Variants in FAM227A observed in about 807,000 individuals in gnomAD.
FAM227A encodes the protein family with sequence similarity 227 member A.
A neutral mutation model predicts 74.7 loss-of-function variants in FAM227A; 80 were observed. The observed-to-expected ratio is 1.07, with a 90% confidence interval of 0.89 to 1.29. The LOEUF (loss-of-function observed/expected upper bound fraction) is 1.29, where lower values mean the gene tolerates loss of function less well. Among genes scored for constraint, FAM227A ranks in the 50% most tolerant of loss-of-function variants. The pLI is 0.00. For synonymous variants in FAM227A, 237 were observed against 241.8 expected (o/e 0.98, Z 0.19); for missense variants, 654 against 683.4 (o/e 0.96, Z 0.48).
chr22:38,612,230 T>C (rs966670490), intron 11 of FAM227A, among the ~76,000 whole-genome samples: 32 of 152,198 alleles, frequency 2.1e-4, no homozygotes, highest in African/African-American at 7.5e-4. Context: ...TCATCCCTAA[T>C]GTAATGAATT....
At chr22:38,655,269 C>A (rs563501241) in intron 1 of FAM227A, among the ~76,000 whole-genome samples, 37 of 152,012 alleles carry the variant, frequency 2.4e-4, no homozygotes, top group Middle Eastern at 3.4e-3. Flanking sequence ...GTGGCCCGCA[C>A]CTGTAATACC....
rs771401192 is a variant in FAM227A, at chr22:38,584,846, G to C, written c.*1279C>G. On this transcript the variant is annotated 3_prime_UTR_variant, in exon 17 of 17. Coordinates refer to ENST00000535113, the MANE Select transcript of FAM227A (RefSeq NM_001013647.2). ...AGTTTCGCTCTTGTTGCCCAGGCTG[G>C]AGTGCAATAGCATGGTCTTGGCTCA... is the stretch of plus-strand genomic sequence containing the variant. 6.6e-5 allele frequency: 10 copies of C among 152,036 alleles called. No individual in the cohort carries two copies. The highest frequency in any genetic ancestry group is 1.2e-4 in the Non-Finnish European group (8 of 68,014). 9.4% of individuals were successfully genotyped at this position (152,036 alleles called of 1,614,324 possible).
intron 13 of FAM227A, among the ~76,000 whole-genome samples, chr22:38,601,195 G>C (rs2091169064): frequency 6.6e-6 from 1 of 152,102 alleles, no homozygotes; most frequent in South Asian, 2.1e-4. Context: ...ATGATATGAT[G>C]AATACTAATA....
rs1296934793 is a variant in FAM227A, at chr22:38,584,126, C to G, written c.*1999G>C. On this transcript the variant is annotated 3_prime_UTR_variant, in exon 17 of 17. Transcript: ENST00000535113. ...ATCTGCCTTGGTTTTTCTCAGATTC[C>G]ACGCAGCTTTCTATCGGAGCATTAA... The G allele has an allele frequency of 1.3e-5, 2 of 152,268 alleles. No homozygotes were observed. The highest frequency in any genetic ancestry group is 2.9e-5 in the Non-Finnish European group (2 of 68,078). 9.4% of individuals were successfully genotyped at this position (152,268 alleles called of 1,614,324 possible).
At chr22:38,598,957 C>CT (rs71197121) in intron 14 of FAM227A, among the ~76,000 whole-genome samples, 24,897 of 136,226 alleles carry the variant, frequency 0.18, 2,274 homozygotes, top group Middle Eastern at 0.23. Context: ...TGTTTTCTTT[C>CT]TTTTTTTTTT....
At chr22:38,642,210 A>G (rs1384225624) in intron 3 of FAM227A, among the ~76,000 whole-genome samples, 1 of 152,164 alleles carries the variant, frequency 6.6e-6, no homozygotes, top group African/African-American at 2.4e-5. Context: ...CTGAAAACTG[A>G]ACAGACAGGT....
chr22:38,655,908 G>A (rs1163692731), intron 1 of FAM227A, among the ~76,000 whole-genome samples: 2 of 152,194 alleles, frequency 1.3e-5, no homozygotes, highest in Non-Finnish European at 2.9e-5. Flanking sequence ...CTAAGTTTCT[G>A]CACTTATCAG....
In FAM227A at chr22:38,591,498, C is replaced by G. The variant is rs768354571; in HGVS notation, c.1575G>C (p.Lys525Asn). 6.5e-7 allele frequency: 1 copy of G among 1,548,730 alleles called. No individual in the cohort carries two copies. The highest frequency in any genetic ancestry group is 1.2e-5 in the South Asian group (1 of 83,314). Residue 525 changes from lysine to asparagine, a missense_variant, in exon 16 of 17, where the codon AAG (lysine) becomes AAC (asparagine). Physicochemically the swap from Lys to Asn is moderately conservative, Grantham distance 94 (BLOSUM62 0). Coordinates refer to ENST00000535113, the MANE Select transcript of FAM227A (RefSeq NM_001013647.2). ...AAGGTGGGATGAACATGTGGTTTGCCTTTTTTGTATCTGCTGCTTTTGGAT... is the reference window on the plus strand; with the variant it reads ...AAGGTGGGATGAACATGTGGTTTGCGTTTTTTGTATCTGCTGCTTTTGGAT... ...NIDPKAADTK[K>N]ANHMFIPPSA...
chr22:38,589,230 C>T lies in FAM227A; in HGVS notation c.1638+2205G>A, dbSNP rs900839737. The stretch of plus-strand genomic sequence containing the variant: ...AGGACAGCCACGGACTGCTGGCAAC[C>T]GCACGAAGCTAGGGAGAGGCAAAGG... On this transcript the variant is annotated intron_variant, in intron 16 of 16. Transcript: ENST00000535113. Among the ~76,000 whole-genome samples the T allele has an allele frequency of 2.0e-4, 30 of 152,108 alleles. 1 individual carries two copies. Among genetic ancestry groups the T allele is most frequent in the South Asian group, 2.1e-4 (1 of 4,824 alleles).
intron 6 of FAM227A, among the ~76,000 whole-genome samples, chr22:38,629,911 C>A (rs1470950917): frequency 1.5e-5 from 2 of 134,028 alleles, no homozygotes; most frequent in East Asian, 4.5e-4. Context: ...CATCAGGAAG[C>A]GTGCCTCTTC....
chr22:38,597,139 A>G, intron 15 of FAM227A, 65 bp downstream of exon 15: 1 of 1,477,560 alleles, frequency 6.8e-7, no homozygotes, highest in Non-Finnish European at 9.2e-7. Context: ...TTTAAAAATG[A>G]TGATGATCGT....
chr22:38,615,266 G>T (rs118104069), intron 11 of FAM227A, among the ~76,000 whole-genome samples: 55 of 152,258 alleles, frequency 3.6e-4, no homozygotes, highest in Non-Finnish European at 6.6e-4. Flanking sequence ...CAAGTGATTC[G>T]CCTGCCTGGG....
At chr22:38,620,527 G>A (rs576736258) in intron 10 of FAM227A, among the ~76,000 whole-genome samples, 6 of 152,290 alleles carry the variant, frequency 3.9e-5, no homozygotes, top group African/African-American at 9.6e-5. Flanking sequence ...GCACAGGGCC[G>A]GCGCGGTGGC....
rs780436534 is a variant in FAM227A at position 38,599,849 on chromosome 22, C to G, written c.1294G>C (p.Val432Leu). Residue 432 changes from valine to leucine, a missense_variant, in exon 14 of 17, where the codon GTG becomes CTG. Val to Leu is a conservative substitution (Grantham distance 32). Coordinates refer to ENST00000535113, the MANE Select transcript of FAM227A (RefSeq NM_001013647.2). ...FNIYGKSPLI[V>L]YFLQNYASLQ... ...CTGGCATAGTTCTGGAGAAAGTACA[C>G]AATCAGAGGGCTCTTCCCATAAATG... The G allele has an allele frequency of 9.4e-5, 146 of 1,551,460 alleles. No individual in the cohort carries two copies. Among genetic ancestry groups the G allele is most frequent in the Non-Finnish European group, 1.1e-4 (131 of 1,146,966 alleles).
Position 38,586,068 on chromosome 22 carries a change from G to C in FAM227A, c.*57C>G. On this transcript the variant is annotated 3_prime_UTR_variant, in exon 17 of 17. Coordinates refer to ENST00000535113, the MANE Select transcript of FAM227A (RefSeq NM_001013647.2). ...TTATTTTCTTGTTCCACTCCACCTC[G>C]TAGCAGAAATATCACGGATTCTGTA... The C allele has an allele frequency of 6.4e-7, 1 of 1,551,640 alleles. No homozygotes were observed. The highest frequency in any genetic ancestry group is 2.4e-5 in the East Asian group (1 of 40,914).
At chr22:38,601,979 C>G (rs1569196681) in intron 13 of FAM227A, among the ~76,000 whole-genome samples, 2 of 152,010 alleles carry the variant, frequency 1.3e-5, no homozygotes, top group African/African-American at 4.8e-5. Flanking sequence ...TTTTCTTCTG[C>G]CTTTTTCCAA....
intron 11 of FAM227A, among the ~76,000 whole-genome samples, chr22:38,608,424 G>A (rs547468104): frequency 6.6e-6 from 1 of 152,174 alleles, no homozygotes; most frequent in African/African-American, 2.4e-5. Context: ...GTGGTGCTAA[G>A]TCCTCAGGGA....
At chr22:38,624,561 C>T (rs73157159) in intron 9 of FAM227A, among the ~76,000 whole-genome samples, 14 of 152,282 alleles carry the variant, frequency 9.2e-5, no homozygotes, top group Non-Finnish European at 1.8e-4. Flanking sequence ...AAGAATGGCT[C>T]GTTGTGCCTA....
chr22:38,646,242 GTATT>G lies in FAM227A; in HGVS notation c.143-601_143-598del, dbSNP rs1168954746. On this transcript the variant is annotated intron_variant, in intron 2 of 16. Transcript: ENST00000535113. Reference sequence around the variant, plus strand: ...TTAGGACTTGGGAATTTTCCTTCCAGTATTTCTTTTTTTTTTTTTTTTTTTTTTT... The same window carrying G: ...TTAGGACTTGGGAATTTTCCTTCCAGTCTTTTTTTTTTTTTTTTTTTTTTT... 2.0e-3 allele frequency among the ~76,000 whole-genome samples: 245 copies of G among 125,160 alleles called. 1 individual carries two copies. The highest frequency in any genetic ancestry group is 4.5e-3 in the Middle Eastern group (1 of 224). The allele number at this position is 125,160 out of a possible 152,430, so 82.1% of individuals were successfully genotyped here.
Sources: gnomAD v4.1 joint callset for allele counts (sites outside exome capture counted in the v4.1 genomes callset) on GRCh38, gnomAD v4.1.1 for gene constraint, MANE v1.5 for transcripts, NCBI Gene and HGNC (gene_info 2026-07-23, HGNC 2026-07-21) for gene names.